The following MAGI2 variants were observed in gnomAD, a reference collection of about 807,000 sequenced individuals.
The protein encoded by MAGI2 is membrane associated guanylate kinase, WW and PDZ domain containing 2.
A neutral mutation model predicts 133.3 loss-of-function variants in MAGI2; 35 were observed. The observed-to-expected ratio is 0.26, with a 90% confidence interval of 0.20 to 0.35. The LOEUF is 0.35. Among genes scored for constraint, MAGI2 ranks in the 10% least tolerant of loss-of-function variants. The pLI is 1.00. For missense variants in MAGI2, 1,636 were observed against 1,863.4 expected (o/e 0.88, Z 2.25); for synonymous variants, 729 against 710.6 (o/e 1.03, Z -0.41).
chr7:78,917,022 C>G (rs1798855858), intron 2 of MAGI2, among the ~76,000 whole-genome samples: 1 of 151,842 alleles, frequency 6.6e-6, no homozygotes, highest in African/African-American at 2.4e-5. Context: ...AGAGAGATAC[C>G]CAAAGGTAGG....
intron 3 of MAGI2, among the ~76,000 whole-genome samples, chr7:78,542,061 A>G (rs1347430524): frequency 6.6e-6 from 1 of 152,210 alleles, no homozygotes; most frequent in Non-Finnish European, 1.5e-5. Context: ...ACAGTCCATA[A>G]ACAAATAAGT....
intron 3 of MAGI2, among the ~76,000 whole-genome samples, chr7:78,525,488 T>A (rs1796872594): frequency 6.6e-6 from 1 of 152,194 alleles, no homozygotes; most frequent in South Asian, 2.1e-4. Context: ...CGTACCAGTA[T>A]GTTTTCAGAA....
At chr7:79,228,077 T>A (rs1055858394) in intron 1 of MAGI2, among the ~76,000 whole-genome samples, 42 of 152,134 alleles carry the variant, frequency 2.8e-4, no homozygotes, top group African/African-American at 9.9e-4. Context: ...AGGTGCCTTG[T>A]CTTACATCTG....
At chr7:79,158,761 G>A (rs2129547538) in intron 1 of MAGI2, among the ~76,000 whole-genome samples, 1 of 152,048 alleles carries the variant, frequency 6.6e-6, no homozygotes, top group Non-Finnish European at 1.5e-5. Context: ...TGCTATCATT[G>A]TTTTTGTAAA....
intron 6 of MAGI2, among the ~76,000 whole-genome samples, chr7:78,464,644 T>C (rs537435238): frequency 2.2e-4 from 34 of 152,228 alleles, no homozygotes; most frequent in Non-Finnish European, 4.1e-4. Flanking sequence ...TAGAAAAAAG[T>C]TATTCTACAT....
intron 2 of MAGI2, among the ~76,000 whole-genome samples, chr7:78,661,187 C>T (rs1028971228): frequency 3.3e-5 from 5 of 152,118 alleles, no homozygotes; most frequent in African/African-American, 1.2e-4. Flanking sequence ...CAATGAGACA[C>T]AGGTAAGTAA....
chr7:78,219,026 G>T lies in MAGI2; in HGVS notation c.2048-17833C>A, dbSNP rs1788542758. Among the ~76,000 whole-genome samples, 4 of 152,156 alleles carry T rather than the reference G, an allele frequency of 2.6e-5. No homozygotes were observed. In the South Asian group the frequency reaches 8.3e-4, roughly 32 times the overall value. On this transcript the variant is annotated intron_variant, in intron 10 of 21. Coordinates refer to ENST00000354212, the MANE Select transcript of MAGI2 (RefSeq NM_012301.4). ...CTTTGCTATGGATGAAGGTCAAATT[G>T]TGTCTCTAATGGCTGCTCTGGCTGA...
intron 3 of MAGI2, among the ~76,000 whole-genome samples, chr7:78,588,561 A>C (rs572516543): frequency 3.9e-5 from 6 of 152,344 alleles, no homozygotes; most frequent in Admixed American, 1.3e-4. Context: ...ACTCAGGTGC[A>C]TTCATGCCCA....
chr7:78,806,205 AG>A (rs1231709084), intron 2 of MAGI2, among the ~76,000 whole-genome samples: 12 of 152,222 alleles, frequency 7.9e-5, no homozygotes, highest in African/African-American at 2.9e-4. Flanking sequence ...GTTCTAAAGC[AG>A]GTTATATGAA....
At chr7:78,374,872 C>T (rs13234424) in intron 6 of MAGI2, among the ~76,000 whole-genome samples, 20,539 of 151,860 alleles carry the variant, frequency 0.14, 1,732 homozygotes, top group South Asian at 0.23. Context: ...CAGAGTCTCG[C>T]TCTGTCACCC....
At chr7:78,373,830 A>G (rs1206341635) in intron 6 of MAGI2, among the ~76,000 whole-genome samples, 1 of 152,126 alleles carries the variant, frequency 6.6e-6, no homozygotes, top group African/African-American at 2.4e-5. Context: ...GCTCCCACTT[A>G]TAAGTGAGAA....
intron 2 of MAGI2, among the ~76,000 whole-genome samples, chr7:78,918,488 C>A (rs1798968133): frequency 6.6e-6 from 1 of 151,958 alleles, no homozygotes; most frequent in Admixed American, 6.6e-5. Context: ...ATTTAACATC[C>A]CCAATATGAT....
At chr7:78,033,559 A>G (rs1809843601) in intron 21 of MAGI2, among the ~76,000 whole-genome samples, 1 of 152,200 alleles carries the variant, frequency 6.6e-6, no homozygotes, top group African/African-American at 2.4e-5. Flanking sequence ...GAAGAACAAG[A>G]CACAGTTAGT....
chr7:78,241,432 T>C (rs1211867748), intron 10 of MAGI2, among the ~76,000 whole-genome samples: 1 of 152,090 alleles, frequency 6.6e-6, no homozygotes, highest in Admixed American at 6.6e-5. Flanking sequence ...ATGCTTAGGA[T>C]GGGGTATCTT....
At chr7:78,914,412 A>G (rs922166824) in intron 2 of MAGI2, among the ~76,000 whole-genome samples, 2 of 152,178 alleles carry the variant, frequency 1.3e-5, no homozygotes, top group Admixed American at 6.6e-5. Context: ...GTACTTTTAA[A>G]TTATTAGTAA....
intron 9 of MAGI2, among the ~76,000 whole-genome samples, chr7:78,283,582 T>C (rs542148887): frequency 8.6e-4 from 131 of 152,256 alleles, no homozygotes; most frequent in African/African-American, 2.7e-3. Flanking sequence ...AATAAATGAT[T>C]TTAAATTTCG....
At chr7:78,262,088 T>C (rs1562705362) in intron 9 of MAGI2, among the ~76,000 whole-genome samples, 3 of 152,138 alleles carry the variant, frequency 2.0e-5, no homozygotes, top group African/African-American at 7.2e-5. Context: ...GTGACAGTTA[T>C]AAAAACAGCC....
At chr7:78,695,336 C>G (rs1393860711) in intron 2 of MAGI2, among the ~76,000 whole-genome samples, 1 of 152,212 alleles carries the variant, frequency 6.6e-6, no homozygotes, top group Non-Finnish European at 1.5e-5. Flanking sequence ...TTTTCTAGGA[C>G]TGAACAAGCA....
rs147650386 is a variant in MAGI2, at chr7:79,161,127, T to C, written c.302-153921A>G. On this transcript the variant is annotated intron_variant, in intron 1 of 21. Coordinates refer to ENST00000354212, the MANE Select transcript of MAGI2 (RefSeq NM_012301.4). ...TTAAGATATTTAAACAAGCTTTACA[T>C]AAGGTAGTTGTAACCCCTTTACCTA... is the stretch of plus-strand genomic sequence containing the variant. 5.8e-3 allele frequency among the ~76,000 whole-genome samples: 883 copies of C among 152,122 alleles called. 14 individuals are homozygous for C. The highest frequency in any genetic ancestry group is 0.02 in the African/African-American group (842 of 41,538).
Sources: allele counts gnomAD v4.1 joint callset (sites outside exome capture counted in the v4.1 genomes callset), GRCh38; gene constraint gnomAD v4.1.1; transcripts MANE v1.5; gene names NCBI Gene and HGNC (gene_info 2026-07-23, HGNC 2026-07-21).